SLC43A1: variants seen among roughly 807,000 people sequenced by gnomAD.
SLC43A1 encodes solute carrier family 43 member 1.
A neutral mutation model predicts 59.5 loss-of-function variants in SLC43A1; 31 were observed. The observed-to-expected ratio is 0.52, with a 90% CI of 0.39 to 0.70. The LOEUF (loss-of-function observed/expected upper bound fraction) is 0.70. Ranked by LOEUF, SLC43A1 falls within the 30% of genes least tolerant of loss-of-function variation. SLC43A1 has a pLI of 0.00. For missense variants in SLC43A1, 598 were observed against 717.8 expected, an observed-to-expected ratio of 0.83 and a Z score of 1.91; for synonymous variants, 259 against 290.9, an observed-to-expected ratio of 0.89 and a Z score of 1.12.
At chr11:57,513,007 C>T (rs1435918834) in intron 2 of SLC43A1, among the ~76,000 whole-genome samples, 4 of 152,134 alleles carry the variant, frequency 2.6e-5, no homozygotes, top group Admixed American at 2.6e-4. Context: ...CCAGGAGCAA[C>T]GAGAAGGACA....
At chr11:57,511,913 G>A (rs991629272) in intron 2 of SLC43A1, among the ~76,000 whole-genome samples, 2 of 152,112 alleles carry the variant, frequency 1.3e-5, no homozygotes, top group Non-Finnish European at 2.9e-5. Context: ...GGGGGCAGAG[G>A]TGGGGGTGAG....
intron 2 of SLC43A1, among the ~76,000 whole-genome samples, chr11:57,505,682 G>A (rs1339851005): frequency 6.6e-6 from 1 of 151,830 alleles, no homozygotes. Flanking sequence ...TTTTTAAGCA[G>A]ACTGATTCAA....
At position 57,501,336 on chromosome 11, in the gene SLC43A1, A is replaced by T; in HGVS notation, c.155-7T>A. On this transcript the variant is annotated splice_polypyrimidine_tract_variant and splice_region_variant and intron_variant, in intron 2 of 14. Transcript: ENST00000278426. ...GTGTTGGTGCTGCTCTCAGCTGAGG[A>T]GGGGGAAGGGAGGGCTCAGCACATG... 1 of 1,606,598 alleles carries T rather than the reference A, an allele frequency of 6.2e-7. No individual in the cohort carries two copies. Among genetic ancestry groups the T allele is most frequent in the Non-Finnish European group, 8.5e-7 (1 of 1,179,704 alleles).
intron 2 of SLC43A1, among the ~76,000 whole-genome samples, chr11:57,509,702 G>A (rs1251425104): frequency 1.5e-4 from 17 of 117,040 alleles, no homozygotes; most frequent in Non-Finnish European, 2.4e-4. Context: ...GGGAGGGAGG[G>A]AGAGAGGGAG....
chr11:57,512,025 CTG>C (rs1250968115), intron 2 of SLC43A1, among the ~76,000 whole-genome samples: 1 of 152,086 alleles, frequency 6.6e-6, no homozygotes, highest in African/African-American at 2.4e-5. Context: ...CATACTAAAA[CTG>C]TTAAATTATA....
At chr11:57,509,672 A>AAG (rs1944483360) in intron 2 of SLC43A1, among the ~76,000 whole-genome samples, 2 of 87,114 alleles carry the variant, frequency 2.3e-5, no homozygotes, top group South Asian at 4.9e-4. Context: ...GAGGAAGGGA[A>AAG]GGAGGGAGGG....
chr11:57,505,148 G>A (rs1944364145), intron 2 of SLC43A1, among the ~76,000 whole-genome samples: 1 of 152,256 alleles, frequency 6.6e-6, no homozygotes, highest in South Asian at 2.1e-4. Flanking sequence ...GAGCACTCAA[G>A]ATGGGTTCAG....
rs1590789658 is a variant in SLC43A1, at chr11:57,514,417, G to A, written c.-13-293C>T. On this transcript the variant is annotated intron_variant, in intron 1 of 14. Transcript: ENST00000278426. This position sits in a 1 kb window ranked among gnomAD's most constrained non-coding sequence, Gnocchi z 5.5. Reference sequence around the variant, plus strand: ...TGCCGGGTTCTCTCACCCAGGCCAGGGCGCTCAGGGCCGGGCTGCTGGGGA... The same window carrying A: ...TGCCGGGTTCTCTCACCCAGGCCAGAGCGCTCAGGGCCGGGCTGCTGGGGA... 3 of 374,468 alleles carry A rather than the reference G, an allele frequency of 8.0e-6. No individual in the cohort carries two copies. The highest frequency in any genetic ancestry group is 1.5e-5 in the Non-Finnish European group (3 of 205,272). The allele number at this position is 374,468 out of a possible 1,614,324, so 23.2% of individuals were successfully genotyped here. A position where few individuals can be genotyped will look rare whatever the true frequency, so the allele number is the denominator to read the frequency against.
intron 13 of SLC43A1, among the ~76,000 whole-genome samples, chr11:57,487,486 G>A (rs1017084498): frequency 6.6e-6 from 1 of 152,126 alleles, no homozygotes; most frequent in African/African-American, 2.4e-5. Flanking sequence ...ACTAATAACA[G>A]GGATGGCATT....
chr11:57,496,887 AC>A (rs1163608716), intron 6 of SLC43A1, among the ~76,000 whole-genome samples: 72 of 152,134 alleles, frequency 4.7e-4, no homozygotes, highest in African/African-American at 1.6e-3. Context: ...TCCTGCTCAA[AC>A]CTTTTTCTCT....
At chr11:57,497,916 C>CA in intron 5 of SLC43A1, 71 bp from the exon 6 acceptor site, 1 of 1,156,176 alleles carries the variant, frequency 8.6e-7, no homozygotes, top group South Asian at 1.3e-5. Flanking sequence ...AGCCCTGCTC[C>CA]ATACAATAGC....
chr11:57,491,539 G>A, intron 10 of SLC43A1, 52 bp downstream of exon 10: 2 of 1,610,350 alleles, frequency 1.2e-6, no homozygotes, highest in South Asian at 2.2e-5. Flanking sequence ...CCCCTGAGAA[G>A]CGGGTTGCAG....
At chr11:57,499,157 C>T (rs1944176885) in intron 5 of SLC43A1, among the ~76,000 whole-genome samples, 1 of 152,022 alleles carries the variant, frequency 6.6e-6, no homozygotes, top group Non-Finnish European at 1.5e-5. Context: ...ACCCCGTCTC[C>T]ACTAAAATAC....
In SLC43A1 at chr11:57,497,851, G is replaced by A. The variant is rs776520986; in HGVS notation, c.466-6C>T. On this transcript the variant is annotated splice_polypyrimidine_tract_variant and splice_region_variant and intron_variant, in intron 5 of 14. Coordinates refer to ENST00000278426, the MANE Select transcript of SLC43A1 (RefSeq NM_003627.6). ...TTCCCAAACATGTTGGGCAGCTGAG[G>A]AGGGAAAGCAGCACCCATGAGGTGG... The A allele has an allele frequency of 1.8e-5, 29 of 1,611,558 alleles. No homozygotes were observed. Among genetic ancestry groups the A allele is most frequent in the East Asian group, 1.6e-4 (7 of 44,880 alleles).
intron 2 of SLC43A1, 38 bp from the exon 3 acceptor site, chr11:57,501,367 AG>A (rs1263561691): frequency 2.5e-6 from 4 of 1,598,466 alleles, no homozygotes; most frequent in African/African-American, 1.3e-5. Flanking sequence ...ACATGACACC[AG>A]GAACAGCTGG....
At chr11:57,509,053 T>A (rs1027065980) in intron 2 of SLC43A1, among the ~76,000 whole-genome samples, 1 of 151,306 alleles carries the variant, frequency 6.6e-6, no homozygotes, top group African/African-American at 2.4e-5. Flanking sequence ...AAGGCAGAGG[T>A]TGCACTGAGC....
intron 6 of SLC43A1, among the ~76,000 whole-genome samples, chr11:57,496,574 T>C (rs145400678): frequency 1.3e-5 from 2 of 152,308 alleles, no homozygotes; most frequent in African/African-American, 4.8e-5. Flanking sequence ...GGCCTAATCG[T>C]GTTTATCCTG....
chr11:57,502,230 C>T (rs1382999591), intron 2 of SLC43A1, among the ~76,000 whole-genome samples: 2 of 152,266 alleles, frequency 1.3e-5, no homozygotes, highest in Non-Finnish European at 2.9e-5. Context: ...CTTGGCAGCA[C>T]TGCCAAGGGC....
chr11:57,491,388 G>A lies in SLC43A1; in HGVS notation c.1055-26C>T, dbSNP rs753610058. 12 of 1,572,540 alleles carry A rather than the reference G, an allele frequency of 7.6e-6. 2 individuals are homozygous for A. The South Asian group carries it at 1.4e-4, about 19-fold the overall frequency. ...CTGGGCAGGATGGGAAGGGCAGTGG[G>A]GTCAGGAACTGGCACTCAGTGGACA... On this transcript the variant is annotated intron_variant, in intron 10 of 14. Coordinates refer to ENST00000278426, the MANE Select transcript of SLC43A1 (RefSeq NM_003627.6).
Sources: gnomAD v4.1 joint callset for allele counts (sites outside exome capture counted in the v4.1 genomes callset) on GRCh38, gnomAD v4.1.1 for gene constraint, Gnocchi (gnomAD v3.1) non-coding constraint, MANE v1.5 for transcripts, NCBI Gene and HGNC (gene_info 2026-07-23, HGNC 2026-07-21) for gene names.